BRIP1: variants seen among roughly 807,000 people sequenced by gnomAD.
The protein encoded by BRIP1 is BRCA1 interacting DNA helicase 1, also known as Fanconi anemia group J protein.
Under a neutral mutation model 119.7 loss-of-function variants are expected in BRIP1, and 88 were observed. The ratio of observed to expected loss-of-function variants is 0.74; its 90% CI spans 0.62 to 0.88. The LOEUF (loss-of-function observed/expected upper bound fraction) is 0.88. Ranked by LOEUF, BRIP1 falls within the 40% of genes least tolerant of loss-of-function variation. The pLI is 0.00. For synonymous variants in BRIP1, 443 were observed against 496.5 expected (o/e 0.89, Z 1.43); for missense variants, 1,259 against 1,455.4 (o/e 0.87, Z 2.20).
At chr17:61,692,368 G>A (rs1276822562) in intron 18 of BRIP1, among the ~76,000 whole-genome samples, 1 of 151,936 alleles carries the variant, frequency 6.6e-6, no homozygotes, top group Non-Finnish European at 1.5e-5. Context: ...GAGTCAAAAG[G>A]CAGCCTATAG....
chr17:61,808,329 T>C lies in BRIP1; in HGVS notation c.918+138A>G. The stretch of plus-strand genomic sequence containing the variant: ...AGATTTTATTACAGGAAAATTGTTT[T>C]TTAAAAGATATCAATACTAGCAGTT... On this transcript the variant is annotated intron_variant, in intron 7 of 19. Transcript: ENST00000259008. The surrounding 1 kb of genome is among the most constrained non-coding windows in gnomAD (Gnocchi z 4.1). 1.1e-6 allele frequency: 1 copy of C among 884,918 alleles called. No homozygotes were observed. The highest frequency in any genetic ancestry group is 1.7e-5 in the South Asian group (1 of 60,468). 54.8% of individuals were successfully genotyped at this position (884,918 alleles called of 1,614,324 possible).
rs183242889 is a variant in BRIP1, at chr17:61,810,612, C to T, written c.628-1855G>A. On this transcript the variant is annotated intron_variant, in intron 6 of 19. Transcript: ENST00000259008. This position sits in a 1 kb window ranked among gnomAD's most constrained non-coding sequence, Gnocchi z 4.7. ...CATTCTATCTAAGCATAAAAGTAAT[C>T]CAATAAAGTAGCTTTTTCTCAAGGC... Among the ~76,000 whole-genome samples the T allele has an allele frequency of 2.3e-3, 352 of 152,192 alleles. No individual in the cohort carries two copies. The highest frequency in any genetic ancestry group is 3.9e-3 in the Non-Finnish European group (266 of 67,994).
At position 61,685,925 on chromosome 17, in the gene BRIP1, G is replaced by A. The variant is rs756490117; in HGVS notation, c.2816C>T (p.Ala939Val). 6.2e-7 allele frequency: 1 copy of A among 1,614,022 alleles called. No homozygotes were observed. Among genetic ancestry groups the A allele is most frequent in the Non-Finnish European group, 8.5e-7 (1 of 1,179,920 alleles). Residue 939 changes from alanine to valine, a missense_variant, in exon 19 of 20, where the codon GCA becomes GTA. Physicochemically the swap from Ala to Val is moderately conservative, Grantham distance 64 (BLOSUM62 0). Around this residue, in one of 3 missense-constraint regions of BRIP1, gnomAD observed 753 missense variants for 891.8 expected, o/e 0.84. Coordinates refer to ENST00000259008, the MANE Select transcript of BRIP1 (RefSeq NM_032043.3). ...LSPENFVEDE[A>V]KICVQELQCP... ...CTGTAGTTCCTGGACACATATCTTTGCTTCATCTTCCACAAAATTTTCTGG... is the reference window on the plus strand; with the variant it reads ...CTGTAGTTCCTGGACACATATCTTTACTTCATCTTCCACAAAATTTTCTGG...
At chr17:61,719,452 C>T (rs570517883) in intron 16 of BRIP1, among the ~76,000 whole-genome samples, 2 of 152,180 alleles carry the variant, frequency 1.3e-5, no homozygotes, top group East Asian at 3.9e-4. Flanking sequence ...CGGCCAGGCA[C>T]GGTGGCTCAG....
rs1309798222 is a variant in BRIP1, at chr17:61,691,146, T to C, written c.2575+2284A>G. 6.6e-6 allele frequency among the ~76,000 whole-genome samples: 1 copy of C among 151,734 alleles called. No individual in the cohort carries two copies. Among genetic ancestry groups the C allele is most frequent in the Non-Finnish European group, 1.5e-5 (1 of 67,940 alleles). On this transcript the variant is annotated intron_variant, in intron 18 of 19. Transcript: ENST00000259008. This position sits in a 1 kb window ranked among gnomAD's most constrained non-coding sequence, Gnocchi z 5.0. ...GATATACCTAATGTAAACGACAAGTTAATGGGTGCAGCACACTAACATGGG... is the reference window on the plus strand; with the variant it reads ...GATATACCTAATGTAAACGACAAGTCAATGGGTGCAGCACACTAACATGGG...
intron 16 of BRIP1, among the ~76,000 whole-genome samples, chr17:61,731,789 C>T (rs2076846575): frequency 6.6e-6 from 1 of 151,748 alleles, no homozygotes; most frequent in South Asian, 2.1e-4. Flanking sequence ...ATTGTTTCTT[C>T]ATTACATTAA....
intron 6 of BRIP1, among the ~76,000 whole-genome samples, chr17:61,839,451 T>G (rs531233248): frequency 6.6e-6 from 1 of 152,150 alleles, no homozygotes; most frequent in Non-Finnish European, 1.5e-5. Context: ...TTATACGTCA[T>G]GTTTTTCATC....
chr17:61,797,521 G>A (rs1316903418), intron 9 of BRIP1, among the ~76,000 whole-genome samples: 4 of 151,956 alleles, frequency 2.6e-5, no homozygotes, highest in East Asian at 1.9e-4. Context: ...TGCTAAGATC[G>A]ATGAGGGAAG....
chr17:61,833,353 G>A (rs1165253486), intron 6 of BRIP1, among the ~76,000 whole-genome samples: 2 of 152,100 alleles, frequency 1.3e-5, no homozygotes, highest in African/African-American at 4.8e-5. Flanking sequence ...AGAATACTAT[G>A]TTTTCTCCAA....
chr17:61,763,008 G>A (rs1308737537), intron 14 of BRIP1, among the ~76,000 whole-genome samples: 2 of 152,090 alleles, frequency 1.3e-5, no homozygotes, highest in Non-Finnish European at 2.9e-5. Context: ...AAAGATAAAT[G>A]TCTCATGCCC....
chr17:61,786,761 T>C (rs1345157802), intron 10 of BRIP1, among the ~76,000 whole-genome samples: 2 of 135,116 alleles, frequency 1.5e-5, no homozygotes, highest in East Asian at 4.1e-4. Context: ...ATTATATATT[T>C]TATATATTAT....
chr17:61,835,725 GTCC>G (rs2078562051), intron 6 of BRIP1, among the ~76,000 whole-genome samples: 1 of 151,354 alleles, frequency 6.6e-6, no homozygotes, highest in African/African-American at 2.4e-5. Flanking sequence ...AGAAAAAAAA[GTCC>G]AGGAACCAAT....
intron 16 of BRIP1, among the ~76,000 whole-genome samples, chr17:61,728,120 C>T (rs1479170463): frequency 5.3e-5 from 8 of 152,066 alleles, no homozygotes; most frequent in South Asian, 4.2e-4. Context: ...TGAGCCACCG[C>T]GCCTGGCCAC....
rs9895987 is a variant in BRIP1 at position 61,798,248 on chromosome 17, A to G, written c.1340+852T>C. Among the ~76,000 whole-genome samples, 118,280 of 151,612 alleles carry G rather than the reference A, an allele frequency of 0.78. 46,658 individuals are homozygous for G. Among genetic ancestry groups the G allele is most frequent in the African/African-American group, 0.85 (35,252 of 41,404 alleles). On this transcript the variant is annotated intron_variant, in intron 9 of 19. Coordinates refer to ENST00000259008, the MANE Select transcript of BRIP1 (RefSeq NM_032043.3). This position sits in a 1 kb window ranked among gnomAD's most constrained non-coding sequence, Gnocchi z 5.5. ...GAAAGCTTTCTAGGTCTTAACATGG[A>G]AAGGTCTCCAAAATACACTGGGAAT...
chr17:61,747,024 A>C (rs1441036910), intron 14 of BRIP1, among the ~76,000 whole-genome samples: 1 of 152,216 alleles, frequency 6.6e-6, no homozygotes, highest in Non-Finnish European at 1.5e-5. Flanking sequence ...ATTCAGTATC[A>C]GAAAGAAAAC....
At chr17:61,697,701 T>C (rs887988549) in intron 17 of BRIP1, among the ~76,000 whole-genome samples, 2 of 152,168 alleles carry the variant, frequency 1.3e-5, no homozygotes, top group Admixed American at 1.3e-4. Context: ...TTTCCTTTAA[T>C]TGCCTCGCTT....
rs12947398 is a variant in BRIP1 at position 61,808,741 on chromosome 17, G to C, written c.644C>G (p.Ser215Cys). The change falls in exon 7 of 20, where the codon TCT (serine) becomes TGT (cysteine). Residue 215 changes from serine (S) to cysteine (C), a missense_variant. Around this residue, in one of 3 missense-constraint regions of BRIP1, gnomAD observed 501 missense variants for 544.0 expected, o/e 0.92. Coordinates refer to ENST00000259008, the MANE Select transcript of BRIP1 (RefSeq NM_032043.3). This position sits in a 1 kb window ranked among gnomAD's most constrained non-coding sequence, Gnocchi z 4.1. ...TTGTTTAGTAGAACAACAGCACCTA[G>C]AACAGTGGCCAGGGGGCTGTAAGAA... ...FSPQKPPGHC[S>C]RCCCSTKQGN... 6 of 1,613,064 alleles carry C rather than the reference G, an allele frequency of 3.7e-6. No homozygotes were observed. Among genetic ancestry groups the C allele is most frequent in the Non-Finnish European group, 5.1e-6 (6 of 1,179,894 alleles).
chr17:61,748,439 A>C lies in BRIP1; in HGVS notation c.2098-3848T>G, dbSNP rs2077087457. Among the ~76,000 whole-genome samples, 1 of 152,208 alleles carries C rather than the reference A, an allele frequency of 6.6e-6. No homozygotes were observed. Among genetic ancestry groups the C allele is most frequent in the Non-Finnish European group, 1.5e-5 (1 of 68,026 alleles). ...TCAATGTAACTCCTATCAAAATCCC[A>C]ATGACATTTTTTACAGAAACAGAAA... On this transcript the variant is annotated intron_variant, in intron 14 of 19. Transcript: ENST00000259008. The surrounding 1 kb of genome is among the most constrained non-coding windows in gnomAD (Gnocchi z 4.7).
At chr17:61,716,835 A>ATCTCCACTACTGGATTC (rs2061885900) in intron 16 of BRIP1, among the ~76,000 whole-genome samples, 1 of 13,526 alleles carries the variant, frequency 7.4e-5, no homozygotes, top group African/African-American at 4.8e-4. Context: ...CTACTGGATT[A>ATCTCCACTACTGGATTC]TTAGCTATGT....
Sources: allele counts gnomAD v4.1 joint callset (sites outside exome capture counted in the v4.1 genomes callset), GRCh38; gene constraint gnomAD v4.1.1; regional missense constraint gnomAD v4.1.1; non-coding constraint Gnocchi (gnomAD v3.1); transcripts MANE v1.5; gene names NCBI Gene and HGNC (gene_info 2026-07-23, HGNC 2026-07-21).